SAMMSON: variants seen among roughly 807,000 people sequenced by gnomAD.
SAMMSON encodes the protein long intergenic non-protein coding RNA 1212.
chr3:70,124,687 C>T (rs981410952), intron 4 of SAMMSON, among the ~76,000 whole-genome samples: 6 of 151,362 alleles, frequency 4.0e-5, no homozygotes, highest in South Asian at 2.1e-4. Flanking sequence ...TGGTGGCGGG[C>T]GCCTGTAGTC....
intron 4 of SAMMSON, among the ~76,000 whole-genome samples, chr3:70,230,803 C>A (rs1261823256): frequency 6.6e-6 from 1 of 152,270 alleles, no homozygotes; most frequent in East Asian, 1.9e-4. Context: ...GGTCCAAATA[C>A]GTCTTCAAAT....
chr3:70,275,291 G>T (rs1010855586), intron 6 of SAMMSON, among the ~76,000 whole-genome samples: 1 of 152,098 alleles, frequency 6.6e-6, no homozygotes, highest in Non-Finnish European at 1.5e-5. Context: ...GGCAGGCCGA[G>T]GCAGGAGGAT....
At chr3:70,113,714 C>T (rs923029021) in intron 4 of SAMMSON, among the ~76,000 whole-genome samples, 11 of 152,262 alleles carry the variant, frequency 7.2e-5, no homozygotes, top group African/African-American at 2.6e-4. Flanking sequence ...CCGCCCCAAA[C>T]TCATGTAGTG....
chr3:70,164,127 C>T (rs1218897157), intron 4 of SAMMSON, among the ~76,000 whole-genome samples: 2 of 151,982 alleles, frequency 1.3e-5, no homozygotes, highest in South Asian at 2.1e-4. Flanking sequence ...TTTATTATTA[C>T]CAATTCATCT....
intron 4 of SAMMSON, among the ~76,000 whole-genome samples, chr3:70,141,733 G>A (rs573203441): frequency 6.6e-6 from 1 of 152,098 alleles, no homozygotes; most frequent in South Asian, 2.1e-4. Context: ...ATTGTTTTCT[G>A]TTTTTTTCTT....
chr3:70,245,345 C>T (rs956499814), intron 4 of SAMMSON, among the ~76,000 whole-genome samples: 3 of 151,756 alleles, frequency 2.0e-5, no homozygotes. Context: ...CAACTTAAAG[C>T]TTTAACAAAA....
chr3:70,139,030 T>C (rs2067517199), intron 4 of SAMMSON, among the ~76,000 whole-genome samples: 1 of 152,206 alleles, frequency 6.6e-6, no homozygotes, highest in African/African-American at 2.4e-5. Context: ...TACATTTTGA[T>C]ATATCTTCAT....
At chr3:70,349,373 T>TA (rs1018102443) in intron 7 of SAMMSON, among the ~76,000 whole-genome samples, 37 of 149,288 alleles carry the variant, frequency 2.5e-4, no homozygotes, top group Middle Eastern at 3.5e-3. Context: ...AACTCGGTCT[T>TA]AAAAAAAAAA....
At chr3:70,045,089 TA>T (rs1252023438) in intron 3 of SAMMSON, among the ~76,000 whole-genome samples, 92 of 40,430 alleles carry the variant, frequency 2.3e-3, no homozygotes, top group African/African-American at 0.011. Flanking sequence ...TATATATAAT[TA>T]ATTATAATAT....
At position 70,406,066 on chromosome 3, in the gene SAMMSON, C is replaced by CA. The variant is rs917986723; in HGVS notation, n.233+47750dup. On this transcript the variant is annotated intron_variant and non_coding_transcript_variant, in intron 2 of 3. Transcript: ENST00000641053. ...ATAAATGTTAAGTGTTCTCATCACA[C>CA]AAAAAAAATGTAAACTAATGCTTAT... Among the ~76,000 whole-genome samples, 12 of 151,718 alleles carry CA rather than the reference C, an allele frequency of 7.9e-5. No homozygotes were observed. The East Asian group carries it at 1.4e-3, about 17-fold the overall frequency.
rs554534040 is a variant in SAMMSON, at chr3:70,259,994, A to G, written n.674+10324A>G. ...TGAGAACCCACTCACTATCACGAGA[A>G]CAGCGTGATCCAATTACCTCTATCT... On this transcript the variant is annotated intron_variant and non_coding_transcript_variant, in intron 6 of 9. Coordinates refer to ENST00000642114, the Ensembl canonical transcript of SAMMSON. Among the ~76,000 whole-genome samples, 23 of 152,290 alleles carry G rather than the reference A, an allele frequency of 1.5e-4. 1 individual carries two copies. In the East Asian group the frequency reaches 3.5e-3, roughly 23 times the overall value.
chr3:70,251,982 G>T (rs1242736719), intron 6 of SAMMSON, among the ~76,000 whole-genome samples: 1 of 152,154 alleles, frequency 6.6e-6, no homozygotes, highest in Non-Finnish European at 1.5e-5. Context: ...TTCAAAACAC[G>T]TGTTAAGGAA....
chr3:70,176,677 A>T (rs1376812705), intron 4 of SAMMSON, among the ~76,000 whole-genome samples: 3 of 152,118 alleles, frequency 2.0e-5, no homozygotes, highest in Non-Finnish European at 4.4e-5. Flanking sequence ...TGAGAAAACT[A>T]CTCTAATACA....
intron 2 of SAMMSON, among the ~76,000 whole-genome samples, chr3:70,402,241 A>G (rs886288963): frequency 2.0e-5 from 3 of 152,332 alleles, no homozygotes; most frequent in South Asian, 4.1e-4. Flanking sequence ...GTGGAATAAT[A>G]AAACATATAT....
chr3:70,189,646 C>T (rs1372560351), intron 4 of SAMMSON, among the ~76,000 whole-genome samples: 3 of 152,188 alleles, frequency 2.0e-5, no homozygotes, highest in African/African-American at 7.2e-5. Context: ...GATACTTATT[C>T]TCGCCTACCT....
chr3:70,197,767 G>C (rs956629850), intron 4 of SAMMSON, among the ~76,000 whole-genome samples: 1 of 152,094 alleles, frequency 6.6e-6, no homozygotes, highest in African/African-American at 2.4e-5. Flanking sequence ...TTTAATCTCT[G>C]TTTCCGTTTC....
intron 3 of SAMMSON, among the ~76,000 whole-genome samples, chr3:70,025,960 G>T (rs1048241298): frequency 6.6e-6 from 1 of 152,104 alleles, no homozygotes; most frequent in African/African-American, 2.4e-5. Flanking sequence ...AGGAAGAGGA[G>T]GGGTTGGTCT....
At chr3:70,268,511 G>A in intron 6 of SAMMSON, among the ~76,000 whole-genome samples, 1 of 149,888 alleles carries the variant, frequency 6.7e-6, no homozygotes, top group Non-Finnish European at 1.5e-5. Flanking sequence ...CACCAGAATG[G>A]TGCATTTGTT....
At chr3:70,344,240 C>T (rs952995808) in intron 7 of SAMMSON, among the ~76,000 whole-genome samples, 23 of 152,088 alleles carry the variant, frequency 1.5e-4, no homozygotes, top group African/African-American at 4.6e-4. Context: ...GTATAAACCC[C>T]AAGCCCCCAG....
Sources: allele counts gnomAD v4.1 joint callset (sites outside exome capture counted in the v4.1 genomes callset), GRCh38; gene constraint gnomAD v4.1.1; transcripts MANE v1.5; gene names NCBI Gene and HGNC (gene_info 2026-07-23, HGNC 2026-07-21).